The following KCNQ1OT1 variants were observed in gnomAD, a reference collection of about 807,000 sequenced individuals.
KCNQ1OT1 encodes the protein KCNQ1 antisense RNA 2 (non-protein coding).
exon 1 of KCNQ1OT1, chr11:2,655,882 C>A (rs1187729271): frequency 1.0e-5 from 4 of 398,630 alleles, no homozygotes; most frequent in Non-Finnish European, 1.8e-5. Context: ...GCCTTCTCTG[C>A]CCCTTGTTAT....
rs561399856 is a variant in KCNQ1OT1 at position 2,653,847 on chromosome 11, G to T, written n.46148C>A. 3 of 398,506 alleles carry T rather than the reference G, an allele frequency of 7.5e-6. No homozygotes were observed. Among genetic ancestry groups the T allele is most frequent in the East Asian group, 3.6e-5 (1 of 28,094 alleles). 24.7% of individuals were successfully genotyped at this position (398,506 alleles called of 1,614,324 possible). ...GGACCCCTTTGGGGATGGCCAGAGGGTACCTAAACACTGCACACTAGGAGT... is the reference window on the plus strand; with the variant it reads ...GGACCCCTTTGGGGATGGCCAGAGGTTACCTAAACACTGCACACTAGGAGT... On this transcript the variant is annotated non_coding_transcript_exon_variant, in exon 1 of 1. Coordinates refer to ENST00000597346, the Ensembl canonical transcript of KCNQ1OT1. This position sits in a 1 kb window ranked among gnomAD's most constrained non-coding sequence, Gnocchi z 5.3.
In KCNQ1OT1 at chr11:2,698,670, CCATTCAGAACCTCTACCCAAAGA is replaced by C; in HGVS notation, n.1302_1324del. 1 of 398,804 alleles carries C rather than the reference CCATTCAGAACCTCTACCCAAAGA, an allele frequency of 2.5e-6. No individual in the cohort carries two copies. The highest frequency in any genetic ancestry group is 3.6e-5 in the East Asian group (1 of 28,084). 24.7% of individuals were successfully genotyped at this position (398,804 alleles called of 1,614,324 possible). ...TCCCAATCTCTTAACTCAGAGCCCC[CCATTCAGAACCTCTACCCAAAGA>C]CAGACTCCAGACCCTGACTCCAGTC... On this transcript the variant is annotated non_coding_transcript_exon_variant, in exon 1 of 1. Transcript: ENST00000597346. The surrounding 1 kb of genome is among the most constrained non-coding windows in gnomAD (Gnocchi z 5.1).
Position 2,657,622 on chromosome 11 carries a change from TA to T in KCNQ1OT1, n.42372del, listed in dbSNP as rs1849872964. The T allele has an allele frequency of 2.5e-6, 1 of 398,630 alleles. No homozygotes were observed. The highest frequency in any genetic ancestry group is 3.6e-5 in the East Asian group (1 of 28,072). 24.7% of individuals were successfully genotyped at this position (398,630 alleles called of 1,614,324 possible). ...AACTAAAAAATTAACATTGGTACAC[TA>T]TTAAGCTAGAGTTATAAATTTATTT... is the stretch of plus-strand genomic sequence containing the variant. On this transcript the variant is annotated non_coding_transcript_exon_variant, in exon 1 of 1. Transcript: ENST00000597346. The surrounding 1 kb of genome is among the most constrained non-coding windows in gnomAD (Gnocchi z 4.8).
rs965778446 is a variant in KCNQ1OT1 at position 2,657,149 on chromosome 11, G to C, written n.42846C>G. 1.0e-5 allele frequency: 4 copies of C among 398,498 alleles called. No homozygotes were observed. Among genetic ancestry groups the C allele is most frequent in the African/African-American group, 8.2e-5 (4 of 48,626 alleles). The allele number at this position is 398,498 out of a possible 1,614,324, so 24.7% of individuals were successfully genotyped here. A position where few individuals can be genotyped will look rare whatever the true frequency, so the allele number is the denominator to read the frequency against. On this transcript the variant is annotated non_coding_transcript_exon_variant, in exon 1 of 1. Transcript: ENST00000597346. This position sits in a 1 kb window ranked among gnomAD's most constrained non-coding sequence, Gnocchi z 4.8. ...GCCTTGGAAGAAGTACTGATGTTTGGTACAGCAAGTTCTCCCACCTTGTTC... is the reference window on the plus strand; with the variant it reads ...GCCTTGGAAGAAGTACTGATGTTTGCTACAGCAAGTTCTCCCACCTTGTTC...
At chr11:2,644,533 A>C in exon 1 of KCNQ1OT1, 1 of 398,100 alleles carries the variant, frequency 2.5e-6, no homozygotes, top group Non-Finnish European at 4.4e-6. Flanking sequence ...ATTATATTGA[A>C]TTTTTCAAGG....
exon 1 of KCNQ1OT1, chr11:2,634,080 TCCA>T: frequency 2.5e-6 from 1 of 398,436 alleles, no homozygotes; most frequent in Non-Finnish European, 4.4e-6. Flanking sequence ...CTTTTGTGGT[TCCA>T]TGCAAGTTTA....
At position 2,687,996 on chromosome 11, in the gene KCNQ1OT1, C is replaced by T. The variant is rs1850520453; in HGVS notation, n.11999G>A. 4 of 398,612 alleles carry T rather than the reference C, an allele frequency of 1.0e-5. No individual in the cohort carries two copies. The highest frequency in any genetic ancestry group is 3.6e-5 in the East Asian group (1 of 28,080). 24.7% of individuals were successfully genotyped at this position (398,612 alleles called of 1,614,324 possible). On this transcript the variant is annotated non_coding_transcript_exon_variant, in exon 1 of 1. Coordinates refer to ENST00000597346, the Ensembl canonical transcript of KCNQ1OT1. The surrounding 1 kb of genome is among the most constrained non-coding windows in gnomAD (Gnocchi z 5.0). ...TGCTTCCCTTTGATGTCTCCTCGTG[C>T]GAGGGAGGGGTCAGCACCCCTCTAG...
rs1056568801 is a variant in KCNQ1OT1, at chr11:2,649,090, T to C, written n.50905A>G. ...TCTTTTTCTATCCATTCCCTTACAG[T>C]CTATGGGTGTCTTTACAGGTGAAGT... is the stretch of plus-strand genomic sequence containing the variant. On this transcript the variant is annotated non_coding_transcript_exon_variant, in exon 1 of 1. Coordinates refer to ENST00000597346, the Ensembl canonical transcript of KCNQ1OT1. 1.8e-5 allele frequency: 7 copies of C among 397,328 alleles called. No homozygotes were observed. In the Admixed American group the frequency reaches 3.1e-4, roughly 18 times the overall value. 24.6% of individuals were successfully genotyped at this position (397,328 alleles called of 1,614,324 possible).
chr11:2,633,218 T>C (rs542791359), exon 1 of KCNQ1OT1: 26 of 398,414 alleles, frequency 6.5e-5, no homozygotes, highest in Non-Finnish European at 1.1e-4. Context: ...TTTTGCACAT[T>C]TCTAAATCAG....
exon 1 of KCNQ1OT1, chr11:2,628,008 C>A (rs1302609671): frequency 5.0e-6 from 2 of 398,466 alleles, no homozygotes; most frequent in African/African-American, 2.1e-5. Flanking sequence ...ACCTTGGCCA[C>A]CCCCAAGTAC....
chr11:2,632,866 A>C (rs1849383931), exon 1 of KCNQ1OT1: 1 of 398,378 alleles, frequency 2.5e-6, no homozygotes, highest in Non-Finnish European at 4.4e-6. Context: ...TGTGAACAGT[A>C]CTGCAATAAA....
chr11:2,625,969 A>T, exon 1 of KCNQ1OT1: 3 of 398,286 alleles, frequency 7.5e-6, no homozygotes, highest in Non-Finnish European at 1.3e-5. Context: ...TGATTTGCAA[A>T]TTTTTCTCCC....
Position 2,669,701 on chromosome 11 carries a change from T to C in KCNQ1OT1, n.30294A>G. The C allele has an allele frequency of 2.5e-6, 1 of 398,652 alleles. No individual in the cohort carries two copies. 24.7% of individuals were successfully genotyped at this position (398,652 alleles called of 1,614,324 possible). On this transcript the variant is annotated non_coding_transcript_exon_variant, in exon 1 of 1. Transcript: ENST00000597346. This position sits in a 1 kb window ranked among gnomAD's most constrained non-coding sequence, Gnocchi z 5.6. ...GGCCTTGAGGAGATGGTGTTAGGCA[T>C]CCAGCCACATACCTGACTCGGGGAA... is the stretch of plus-strand genomic sequence containing the variant.
exon 1 of KCNQ1OT1, chr11:2,622,205 G>A (rs961989679): frequency 2.8e-5 from 11 of 398,296 alleles, no homozygotes; most frequent in Admixed American, 4.4e-5. Context: ...AATTCTGTCA[G>A]TATATTTTCT....
chr11:2,660,869 G>A, exon 1 of KCNQ1OT1: 2 of 398,588 alleles, frequency 5.0e-6, no homozygotes, highest in East Asian at 7.1e-5. Flanking sequence ...TAAGAATAAA[G>A]ATGAATATGG....
exon 1 of KCNQ1OT1, chr11:2,692,802 T>C (rs12275726): frequency 0.012 from 4,788 of 398,684 alleles, 203 homozygotes; most frequent in African/African-American, 0.089. Context: ...CTTGAATGAC[T>C]GCATCCCTAA....
rs1850143108 is a variant in KCNQ1OT1 at position 2,669,444 on chromosome 11, C to T, written n.30551G>A. ...TTAGGTTGACTTTCATATCTTTTAC[C>T]TTGCCCTGTAGTTTTCAGTGTGGTG... On this transcript the variant is annotated non_coding_transcript_exon_variant, in exon 1 of 1. Coordinates refer to ENST00000597346, the Ensembl canonical transcript of KCNQ1OT1. The surrounding 1 kb of genome is among the most constrained non-coding windows in gnomAD (Gnocchi z 5.6). The T allele has an allele frequency of 7.5e-6, 3 of 398,604 alleles. No individual in the cohort carries two copies. The highest frequency in any genetic ancestry group is 1.3e-5 in the Non-Finnish European group (3 of 226,070). The allele number at this position is 398,604 out of a possible 1,614,324, so 24.7% of individuals were successfully genotyped here. A position where few individuals can be genotyped will look rare whatever the true frequency, so the allele number is the denominator to read the frequency against.
chr11:2,697,621 T>C (rs1850700333), exon 1 of KCNQ1OT1: 1 of 398,526 alleles, frequency 2.5e-6, no homozygotes, highest in South Asian at 1.3e-4. Flanking sequence ...CTGCCTCTAT[T>C]GAGGGAACCA....
At position 2,662,169 on chromosome 11, in the gene KCNQ1OT1, T is replaced by C; in HGVS notation, n.37826A>G. 1.3e-5 allele frequency: 20 copies of C among 1,571,170 alleles called. No individual in the cohort carries two copies. In the South Asian group the frequency reaches 2.2e-4, roughly 17 times the overall value. On this transcript the variant is annotated non_coding_transcript_exon_variant, in exon 1 of 1. Transcript: ENST00000597346. ...TTGGTGCTGGGGAAGCCTTGCTCTC[T>C]GGCCAGAGTGCTATCTACTCGCCTA...
Sources: allele counts gnomAD v4.1 joint callset, GRCh38; gene constraint gnomAD v4.1.1; non-coding constraint Gnocchi (gnomAD v3.1); transcripts MANE v1.5; gene names NCBI Gene and HGNC (gene_info 2026-07-23, HGNC 2026-07-21).